The following EPC2 variants were observed in gnomAD, a reference collection of about 807,000 sequenced individuals.
EPC2 encodes the protein enhancer of polycomb 2, also known as enhancer of polycomb homolog 2.
Under a neutral mutation model 92.1 loss-of-function variants are expected in EPC2, and 14 were observed. The observed-to-expected ratio is 0.15, with a 90% CI of 0.10 to 0.24. The LOEUF (loss-of-function observed/expected upper bound fraction) is 0.24, where lower values mean the gene tolerates loss of function less well. Ranked by LOEUF, EPC2 falls within the 10% of genes least tolerant of loss-of-function variation. The pLI is 1.00. For synonymous variants in EPC2, 340 were observed against 334.7 expected (o/e 1.02, Z -0.17); for missense variants, 755 against 971.5 (o/e 0.78, Z 2.96).
rs1172677900 is a variant in EPC2, at chr2:148,715,589, G to T, written c.313+25216G>T. Among the ~76,000 whole-genome samples the T allele has an allele frequency of 2.0e-5, 3 of 152,252 alleles. No homozygotes were observed. The East Asian group carries it at 5.8e-4, about 29-fold the overall frequency. On this transcript the variant is annotated intron_variant, in intron 2 of 13. Coordinates refer to ENST00000258484, the MANE Select transcript of EPC2 (RefSeq NM_015630.4). ...TTCTGTTCCATTCGTCTGTGTGTCT[G>T]TTCTTGTACTAATATCATGCTGTTT...
intron 2 of EPC2, among the ~76,000 whole-genome samples, chr2:148,724,631 T>G (rs1234088018): frequency 3.3e-5 from 5 of 152,160 alleles, no homozygotes; most frequent in African/African-American, 4.8e-5. Context: ...GCCCACAATG[T>G]ATAAGCTCAG....
intron 1 of EPC2, among the ~76,000 whole-genome samples, chr2:148,659,166 T>A (rs1204450836): frequency 6.6e-6 from 1 of 152,156 alleles, no homozygotes; most frequent in Non-Finnish European, 1.5e-5. Flanking sequence ...TCATCTTATG[T>A]CAGGGTTTCT....
chr2:148,780,417 T>G (rs1410447450), intron 10 of EPC2, among the ~76,000 whole-genome samples: 2 of 152,114 alleles, frequency 1.3e-5, no homozygotes, highest in African/African-American at 4.8e-5. Flanking sequence ...TAAAAAAATT[T>G]TTTTGATTAT....
At chr2:148,688,540 T>C (rs1320207823) in intron 1 of EPC2, among the ~76,000 whole-genome samples, 1 of 152,152 alleles carries the variant, frequency 6.6e-6, no homozygotes, top group Admixed American at 6.5e-5. Flanking sequence ...TGTACACATG[T>C]GCCCTAAAAC....
At chr2:148,709,333 C>G (rs6751441) in intron 2 of EPC2, among the ~76,000 whole-genome samples, 4 of 151,862 alleles carry the variant, frequency 2.6e-5, no homozygotes, top group Non-Finnish European at 2.9e-5. Flanking sequence ...CACTGCTCAA[C>G]GAAATAAAAG....
chr2:148,744,908 T>C (rs765192553), intron 3 of EPC2, among the ~76,000 whole-genome samples: 3 of 148,530 alleles, frequency 2.0e-5, no homozygotes, highest in Non-Finnish European at 4.5e-5. Context: ...CTTAAATCTT[T>C]TAAATCTCTA....
chr2:148,670,573 C>A (rs1489310658), intron 1 of EPC2, among the ~76,000 whole-genome samples: 1 of 152,058 alleles, frequency 6.6e-6, no homozygotes, highest in Admixed American at 6.6e-5. Flanking sequence ...CCGTTGGGTT[C>A]TTTCTTCCAA....
intron 10 of EPC2, 56 bp downstream of exon 10, chr2:148,771,443 T>C: frequency 4.2e-6 from 6 of 1,437,464 alleles, no homozygotes; most frequent in South Asian, 2.8e-5. Context: ...CTTAATTTTA[T>C]TGGGAAAGGA....
intron 1 of EPC2, among the ~76,000 whole-genome samples, chr2:148,674,361 T>G (rs1047928804): frequency 6.6e-6 from 1 of 152,140 alleles, no homozygotes; most frequent in African/African-American, 2.4e-5. Flanking sequence ...AAGTCAGTGC[T>G]TCAAGTCAGG....
chr2:148,658,803 A>C (rs577458039), intron 1 of EPC2, among the ~76,000 whole-genome samples: 1 of 151,880 alleles, frequency 6.6e-6, no homozygotes, highest in East Asian at 1.9e-4. Flanking sequence ...ATAAGTGATA[A>C]ATGATATTAA....
chr2:148,696,514 A>G (rs1681746813), intron 2 of EPC2, among the ~76,000 whole-genome samples: 1 of 152,250 alleles, frequency 6.6e-6, no homozygotes. Flanking sequence ...GGGAGAGAAT[A>G]AAGACACTAT....
intron 6 of EPC2, among the ~76,000 whole-genome samples, chr2:148,764,302 A>G (rs1683366977): frequency 6.6e-6 from 1 of 152,186 alleles, no homozygotes; most frequent in Non-Finnish European, 1.5e-5. Flanking sequence ...AAGGAATGCC[A>G]GTATGTTAAA....
chr2:148,724,379 T>G (rs1682446238), intron 2 of EPC2, among the ~76,000 whole-genome samples: 4 of 152,178 alleles, frequency 2.6e-5, no homozygotes, highest in Non-Finnish European at 5.9e-5. Context: ...CATTTATCAT[T>G]TCTTTGTGGG....
chr2:148,677,217 A>C (rs1681284683), intron 1 of EPC2, among the ~76,000 whole-genome samples: 1 of 152,226 alleles, frequency 6.6e-6, no homozygotes, highest in Admixed American at 6.5e-5. Flanking sequence ...GGTGAAAGAA[A>C]TGAAGATGAG....
intron 1 of EPC2, among the ~76,000 whole-genome samples, chr2:148,671,275 T>C (rs912650981): frequency 2.6e-5 from 4 of 151,288 alleles, no homozygotes; most frequent in South Asian, 2.1e-4. Flanking sequence ...TAAATCTCTA[T>C]TGTGGATTGT....
At chr2:148,645,201 T>TC in intron 1 of EPC2, 31 bp downstream of exon 1, 1 of 1,485,914 alleles carries the variant, frequency 6.7e-7, no homozygotes, top group Admixed American at 2.0e-5. Flanking sequence ...TACCCCCCCT[T>TC]CCCTCCTCCC....
At chr2:148,744,309 T>C (rs1392031265) in intron 3 of EPC2, among the ~76,000 whole-genome samples, 1 of 152,128 alleles carries the variant, frequency 6.6e-6, no homozygotes, top group Admixed American at 6.5e-5. Flanking sequence ...AAAATATTTA[T>C]GCACTTTGAT....
intron 2 of EPC2, among the ~76,000 whole-genome samples, chr2:148,732,298 T>G (rs1682647669): frequency 6.6e-6 from 1 of 152,086 alleles, no homozygotes; most frequent in Non-Finnish European, 1.5e-5. Flanking sequence ...TTGCATTTTC[T>G]CCTGATGCCG....
At chr2:148,707,957 C>T (rs1363568508) in intron 2 of EPC2, among the ~76,000 whole-genome samples, 1 of 152,132 alleles carries the variant, frequency 6.6e-6, no homozygotes, top group Non-Finnish European at 1.5e-5. Context: ...CAAGAGCAAA[C>T]ACATTCAAAA....
Sources: allele counts gnomAD v4.1 joint callset (sites outside exome capture counted in the v4.1 genomes callset), GRCh38; gene constraint gnomAD v4.1.1; transcripts MANE v1.5; gene names NCBI Gene and HGNC (gene_info 2026-07-23, HGNC 2026-07-21).